SNX29: variants seen among roughly 807,000 people sequenced by gnomAD.
The protein encoded by SNX29 is sorting nexin 29.
SNX29 carries 78 observed loss-of-function variants against 102.1 expected under a neutral mutation model. The ratio of observed to expected loss-of-function variants is 0.76; its 90% CI spans 0.64 to 0.92. The LOEUF (loss-of-function observed/expected upper bound fraction) is 0.92. Ranked by LOEUF, SNX29 falls within the 40% of genes least tolerant of loss-of-function variation. The pLI, the probability that SNX29 is intolerant of heterozygous loss-of-function variation, is 0.00. For synonymous variants in SNX29, 580 were observed against 414.5 expected (o/e 1.40, Z -4.85); for missense variants, 1,280 against 1,061.7 (o/e 1.21, Z -2.86).
At chr16:12,193,863 C>T (rs2076705550) in intron 13 of SNX29, among the ~76,000 whole-genome samples, 3 of 152,114 alleles carry the variant, frequency 2.0e-5, no homozygotes, top group Admixed American at 1.3e-4. Context: ...GTCATTTTGC[C>T]CATATGACAT....
chr16:12,123,959 A>G (rs920148609), intron 11 of SNX29, among the ~76,000 whole-genome samples: 1 of 152,170 alleles, frequency 6.6e-6, no homozygotes, highest in Admixed American at 6.5e-5. Flanking sequence ...GATACCAGCA[A>G]CCTTTTCCAG....
intron 11 of SNX29, among the ~76,000 whole-genome samples, chr16:12,119,091 T>C (rs1023477313): frequency 1.3e-5 from 2 of 152,196 alleles, no homozygotes; most frequent in Admixed American, 1.3e-4. Flanking sequence ...AGAACCTCAG[T>C]TTACAGTGTT....
intron 20 of SNX29, among the ~76,000 whole-genome samples, chr16:12,542,531 C>T (rs748343879): frequency 2.6e-5 from 4 of 152,194 alleles, no homozygotes; most frequent in African/African-American, 9.6e-5. Flanking sequence ...AGGGTTTCAC[C>T]ACGTTGGCCA....
At position 12,226,902 on chromosome 16, in the gene SNX29, T is replaced by G. The variant is rs2077627486; in HGVS notation, c.1678+27219T>G. ...TGAGCCTTCAGGTTTTGGTGGCATT[T>G]ATGTAACACGTCTACTGGCTAGCTG... On this transcript the variant is annotated intron_variant, in intron 14 of 20. Coordinates refer to ENST00000566228, the MANE Select transcript of SNX29 (RefSeq NM_032167.5). Among the ~76,000 whole-genome samples, 3 of 152,220 alleles carry G rather than the reference T, an allele frequency of 2.0e-5. No homozygotes were observed. In the South Asian group the frequency reaches 6.2e-4, roughly 32 times the overall value.
chr16:12,085,444 T>C (rs998719405), intron 11 of SNX29, among the ~76,000 whole-genome samples: 1 of 152,154 alleles, frequency 6.6e-6, no homozygotes, highest in Non-Finnish European at 1.5e-5. Context: ...CTACTGCCTC[T>C]GCCTTCGGAG....
At chr16:12,197,055 C>A (rs886841574) in intron 13 of SNX29, among the ~76,000 whole-genome samples, 2 of 152,192 alleles carry the variant, frequency 1.3e-5, no homozygotes, top group African/African-American at 4.8e-5. Context: ...ATCGGCCCGA[C>A]GGCTGGCAGC....
intron 18 of SNX29, among the ~76,000 whole-genome samples, chr16:12,470,553 G>C (rs1487196788): frequency 6.6e-6 from 1 of 152,154 alleles, no homozygotes; most frequent in African/African-American, 2.4e-5. Context: ...AGAAGCCCGG[G>C]GAACGCTTCC....
In SNX29 at chr16:12,481,109, C is replaced by CT. The variant is rs551264927; in HGVS notation, c.2178+3254dup. On this transcript the variant is annotated intron_variant, in intron 19 of 20. Coordinates refer to ENST00000566228, the MANE Select transcript of SNX29 (RefSeq NM_032167.5). ...AAGCCTGTGTCAGCCAAGCAATGTG[C>CT]TTTTATCCCCCCAACATAACCCTAT... 4.6e-3 allele frequency among the ~76,000 whole-genome samples: 694 copies of CT among 152,264 alleles called. 8 individuals carry two copies. Among genetic ancestry groups the CT allele is most frequent in the African/African-American group, 0.016 (671 of 41,546 alleles).
In SNX29 at chr16:12,364,212, T is replaced by A. The variant is rs9932979; in HGVS notation, c.1899+7933T>A. The stretch of plus-strand genomic sequence containing the variant: ...TGTTATGTTATGTTATGTTATGTTA[T>A]GTTATTTTTGTAGAGGCAGGCTCTC... On this transcript the variant is annotated intron_variant, in intron 16 of 20. Transcript: ENST00000566228. 4.6e-3 allele frequency among the ~76,000 whole-genome samples: 684 copies of A among 150,048 alleles called. 3 individuals carry two copies. Among genetic ancestry groups the A allele is most frequent in the African/African-American group, 0.013 (511 of 40,394 alleles).
At chr16:12,375,662 C>T (rs545763798) in intron 16 of SNX29, 1 of 152,372 alleles carries the variant, frequency 6.6e-6, no homozygotes, top group South Asian at 2.1e-4. Context: ...ATCCAGGCCT[C>T]TTCACTGCGG....
chr16:12,013,500 A>AAAATATAT lies in SNX29; in HGVS notation c.122+10458_122+10459insAATATATA. ...GTCTCTACTGGGGGAAAAAAAAAAA[A>AAAATATAT]ATATATATATATATATATATATATA... is the stretch of plus-strand genomic sequence containing the variant. On this transcript the variant is annotated intron_variant, in intron 3 of 20. Coordinates refer to ENST00000566228, the MANE Select transcript of SNX29 (RefSeq NM_032167.5). Among the ~76,000 whole-genome samples the AAAATATAT allele has an allele frequency of 1.6e-3, 49 of 31,586 alleles. 2 individuals carry two copies. Among genetic ancestry groups the AAAATATAT allele is most frequent in the Admixed American group, 3.4e-3 (6 of 1,786 alleles). The allele number at this position is 31,586 out of a possible 152,430, so 20.7% of individuals were successfully genotyped here.
Position 12,572,420 on chromosome 16 carries a change from C to A in SNX29, c.*3791C>A, listed in dbSNP as rs1277921498. 3 of 1,063,766 alleles carry A rather than the reference C, an allele frequency of 2.8e-6. No individual in the cohort carries two copies. Among genetic ancestry groups the A allele is most frequent in the African/African-American group, 3.3e-5 (2 of 60,990 alleles). The allele number at this position is 1,063,766 out of a possible 1,614,324, so 65.9% of individuals were successfully genotyped here. The stretch of plus-strand genomic sequence containing the variant: ...CTGAGGCAGGGCTCTGTGGCCCAGG[C>A]CGGCAGTGGCTGCCTCTCTTGGTTC... On this transcript the variant is annotated 3_prime_UTR_variant, in exon 21 of 21. Coordinates refer to ENST00000566228, the MANE Select transcript of SNX29 (RefSeq NM_032167.5).
At chr16:12,400,783 G>A (rs188443460) in intron 17 of SNX29, among the ~76,000 whole-genome samples, 218 of 152,244 alleles carry the variant, frequency 1.4e-3, no homozygotes, top group African/African-American at 5.1e-3. Context: ...GAAACAAACA[G>A]CTCTACAATA....
At chr16:12,497,463 G>A (rs915877954) in intron 19 of SNX29, among the ~76,000 whole-genome samples, 1 of 152,122 alleles carries the variant, frequency 6.6e-6, no homozygotes, top group Non-Finnish European at 1.5e-5. Flanking sequence ...TGCTTTCTAC[G>A]GCAAGTGGCA....
Position 12,571,727 on chromosome 16 carries a change from C to T in SNX29, c.*3098C>T. 9.6e-7 allele frequency: 1 copy of T among 1,044,314 alleles called. No homozygotes were observed. The highest frequency in any genetic ancestry group is 1.2e-6 in the Non-Finnish European group (1 of 861,312). 64.7% of individuals were successfully genotyped at this position (1,044,314 alleles called of 1,614,324 possible). The stretch of plus-strand genomic sequence containing the variant: ...GCTTCTAAGGGAGGGAGCTTAAAGG[C>T]TGCTAGAAACCTAGCCCAACCATCC... On this transcript the variant is annotated 3_prime_UTR_variant, in exon 21 of 21. Transcript: ENST00000566228.
chr16:12,567,720 C>T (rs563697843), intron 20 of SNX29, among the ~76,000 whole-genome samples: 118 of 152,306 alleles, frequency 7.7e-4, no homozygotes, highest in Non-Finnish European at 9.7e-4. Context: ...TATCATTACA[C>T]GATTGCACTG....
At chr16:12,110,811 T>C (rs941831879) in intron 11 of SNX29, among the ~76,000 whole-genome samples, 3 of 151,854 alleles carry the variant, frequency 2.0e-5, no homozygotes, top group African/African-American at 7.3e-5. Flanking sequence ...TAACAAAAAA[T>C]GGTGTTTTTC....
At chr16:12,056,104 A>G (rs906280583) in intron 8 of SNX29, among the ~76,000 whole-genome samples, 3 of 151,890 alleles carry the variant, frequency 2.0e-5, no homozygotes, top group Non-Finnish European at 4.4e-5. Flanking sequence ...CCTGTATTGA[A>G]CTCCTGAGCT....
intron 20 of SNX29, among the ~76,000 whole-genome samples, chr16:12,565,722 G>T (rs11639610): frequency 6.6e-6 from 1 of 151,982 alleles, no homozygotes; most frequent in African/African-American, 2.4e-5. Context: ...GGGTCTGCCC[G>T]GCTACAAGTC....
Sources: gnomAD v4.1 joint callset for allele counts (sites outside exome capture counted in the v4.1 genomes callset) on GRCh38, gnomAD v4.1.1 for gene constraint, MANE v1.5 for transcripts, NCBI Gene and HGNC (gene_info 2026-07-23, HGNC 2026-07-21) for gene names.